The following LRP1B variants were observed in gnomAD, a reference collection of about 807,000 sequenced individuals.
The protein encoded by LRP1B is low-density lipoprotein receptor-related protein 1B.
In LRP1B, 217 loss-of-function variants were observed where a neutral mutation model predicts 556.6. That is an observed-to-expected ratio of 0.39 (90% confidence interval 0.35 to 0.44). The LOEUF (loss-of-function observed/expected upper bound fraction) is 0.44. LRP1B is among the 20% of genes least tolerant of loss of function. The pLI is 1.00. For synonymous variants in LRP1B, 2,047 were observed against 1,865.8 expected, an observed-to-expected ratio of 1.10 and a Z score of -2.50; for missense variants, 5,053 against 5,620.8, an observed-to-expected ratio of 0.90 and a Z score of 3.23.
At chr2:141,238,999 T>C (rs1683763327) in intron 5 of LRP1B, among the ~76,000 whole-genome samples, 1 of 152,128 alleles carries the variant, frequency 6.6e-6, no homozygotes, top group African/African-American at 2.4e-5. Context: ...AGTCTCTTTA[T>C]ATTTTTTAAT....
chr2:141,321,459 C>T (rs1372874172), intron 3 of LRP1B, among the ~76,000 whole-genome samples: 1 of 152,082 alleles, frequency 6.6e-6, no homozygotes, highest in African/African-American at 2.4e-5. Flanking sequence ...TAGGTTGTCT[C>T]AAGAAAGAAT....
intron 66 of LRP1B, among the ~76,000 whole-genome samples, chr2:140,400,212 T>C (rs1352155343): frequency 2.0e-5 from 3 of 152,190 alleles, no homozygotes; most frequent in African/African-American, 7.2e-5. Context: ...CATGCAACTC[T>C]GCCTGAGCCC....
intron 7 of LRP1B, among the ~76,000 whole-genome samples, chr2:141,136,093 T>C (rs967005898): frequency 1.3e-5 from 2 of 151,922 alleles, no homozygotes. Context: ...ACAAATTCAA[T>C]TAGAACATAT....
chr2:140,374,997 T>A (rs1165515363), intron 68 of LRP1B, among the ~76,000 whole-genome samples: 1 of 152,134 alleles, frequency 6.6e-6, no homozygotes, highest in Non-Finnish European at 1.5e-5. Flanking sequence ...TCAGTTTTTT[T>A]AAATGCCATT....
intron 23 of LRP1B, among the ~76,000 whole-genome samples, chr2:140,897,450 C>T (rs1693985950): frequency 6.6e-6 from 1 of 152,172 alleles, no homozygotes; most frequent in Admixed American, 6.5e-5. Context: ...TTCTAACCTT[C>T]CCAGACTGTA....
chr2:141,522,807 G>A (rs927644307), intron 2 of LRP1B, among the ~76,000 whole-genome samples: 1 of 152,166 alleles, frequency 6.6e-6, no homozygotes, highest in Non-Finnish European at 1.5e-5. Context: ...CCCTCTGCAA[G>A]CTGCTATTTG....
intron 41 of LRP1B, chr2:140,683,941 C>T (rs1211655481): frequency 5.0e-6 from 2 of 400,152 alleles, no homozygotes; most frequent in Non-Finnish European, 9.2e-6. Flanking sequence ...TTGTGGGCTA[C>T]GTGACGCGCC....
At chr2:140,718,629 T>A (rs76655973) in intron 35 of LRP1B, among the ~76,000 whole-genome samples, 3,251 of 151,824 alleles carry the variant, frequency 0.021, 98 homozygotes, top group African/African-American at 0.072. Flanking sequence ...GAAAAAAAAA[T>A]GTAAATAAGA....
intron 7 of LRP1B, among the ~76,000 whole-genome samples, chr2:141,071,840 C>T (rs938819003): frequency 2.0e-5 from 3 of 151,948 alleles, no homozygotes; most frequent in Non-Finnish European, 2.9e-5. Flanking sequence ...AACCACTGCT[C>T]GATGAAATAA....
At chr2:141,117,989 A>C (rs1350548788) in intron 7 of LRP1B, among the ~76,000 whole-genome samples, 1 of 151,982 alleles carries the variant, frequency 6.6e-6, no homozygotes, top group Non-Finnish European at 1.5e-5. Context: ...ACTTGAGTGC[A>C]GGAACTAAAC....
chr2:141,177,415 T>C (rs962492694), intron 7 of LRP1B, among the ~76,000 whole-genome samples: 2 of 152,068 alleles, frequency 1.3e-5, no homozygotes, highest in African/African-American at 4.8e-5. Flanking sequence ...AATAGTAAGG[T>C]GGCAAGCAAT....
At chr2:141,410,981 T>A (rs1403295414) in intron 3 of LRP1B, among the ~76,000 whole-genome samples, 2 of 152,052 alleles carry the variant, frequency 1.3e-5, no homozygotes, top group Admixed American at 1.3e-4. Flanking sequence ...GCTATACACA[T>A]TTTTCTGCTT....
chr2:142,029,474 A>C (rs1322035912), intron 1 of LRP1B, among the ~76,000 whole-genome samples: 2 of 151,906 alleles, frequency 1.3e-5, no homozygotes, highest in Non-Finnish European at 2.9e-5. Context: ...AGAACAATAG[A>C]AATAGAAAAC....
intron 7 of LRP1B, among the ~76,000 whole-genome samples, chr2:141,123,845 A>G (rs1701128430): frequency 6.6e-6 from 1 of 152,150 alleles, no homozygotes; most frequent in Non-Finnish European, 1.5e-5. Context: ...TGCTATTTGA[A>G]ATCATAAAGT....
At chr2:141,271,804 T>C (rs114910218) in intron 3 of LRP1B, among the ~76,000 whole-genome samples, 2,322 of 149,892 alleles carry the variant, frequency 0.015, 28 homozygotes, top group Non-Finnish European at 0.023. Flanking sequence ...GATAATGATA[T>C]AGCTAAGTAT....
chr2:140,732,938 A>G (rs1326924271), intron 35 of LRP1B, among the ~76,000 whole-genome samples: 1 of 152,132 alleles, frequency 6.6e-6, no homozygotes, highest in Non-Finnish European at 1.5e-5. Context: ...TTGTTCTGAA[A>G]TAGCTATCTT....
chr2:140,491,414 C>T (rs1222093158), intron 57 of LRP1B, among the ~76,000 whole-genome samples: 1 of 151,822 alleles, frequency 6.6e-6, no homozygotes, highest in African/African-American at 2.4e-5. Flanking sequence ...AAAAAATAGG[C>T]ATGTCCTTGT....
intron 35 of LRP1B, among the ~76,000 whole-genome samples, chr2:140,720,622 T>G (rs927772602): frequency 6.6e-6 from 1 of 152,060 alleles, no homozygotes; most frequent in African/African-American, 2.4e-5. Context: ...CATGCAGGGT[T>G]CTGTCTGATA....
intron 3 of LRP1B, among the ~76,000 whole-genome samples, chr2:141,306,559 C>T (rs193239773): frequency 2.5e-4 from 38 of 152,072 alleles, no homozygotes; most frequent in African/African-American, 8.7e-4. Flanking sequence ...ATCAATTTTG[C>T]TGATCTTTTC....
Sources: allele counts gnomAD v4.1 joint callset (sites outside exome capture counted in the v4.1 genomes callset), GRCh38; gene constraint gnomAD v4.1.1; transcripts MANE v1.5; gene names NCBI Gene and HGNC (gene_info 2026-07-23, HGNC 2026-07-21).